The following FLNB variants were observed in gnomAD, a reference collection of about 807,000 sequenced individuals.
FLNB encodes the protein filamin-B.
FLNB carries 111 observed loss-of-function variants against 250.6 expected under a neutral mutation model. That is an observed-to-expected ratio of 0.44 (90% CI 0.38 to 0.52). The LOEUF (loss-of-function observed/expected upper bound fraction) is 0.52, where lower values mean the gene tolerates loss of function less well. Ranked by LOEUF, FLNB falls within the 20% of genes least tolerant of loss-of-function variation. FLNB has a pLI of 0.00. For synonymous variants in FLNB, 1,302 were observed against 1,372.1 expected (o/e 0.95, Z 1.13); for missense variants, 2,869 against 3,447.8 (o/e 0.83, Z 4.20).
chr3:58,013,391 T>C (rs2097101701), intron 1 of FLNB, among the ~76,000 whole-genome samples: 1 of 152,206 alleles, frequency 6.6e-6, no homozygotes, highest in South Asian at 2.1e-4. Flanking sequence ...GGGTCACTGG[T>C]CCAGTCAGCT....
chr3:58,082,787 C>T (rs111669761), intron 4 of FLNB, among the ~76,000 whole-genome samples: 1,736 of 149,322 alleles, frequency 0.012, 37 homozygotes, highest in African/African-American at 0.04. Flanking sequence ...AAAAAAAAAA[C>T]GAGAAAGAAA....
chr3:58,159,417 T>C lies in FLNB; in HGVS notation c.6889-137T>C, dbSNP rs2097358014. 1.1e-5 allele frequency: 9 copies of C among 836,752 alleles called. No individual in the cohort carries two copies. The South Asian group carries it at 1.3e-4, about 12-fold the overall frequency. 51.8% of individuals were successfully genotyped at this position (836,752 alleles called of 1,614,324 possible). A position where few individuals can be genotyped will look rare whatever the true frequency, so the allele number is the denominator to read the frequency against. ...CATTAAAAATGCAGAATGGCTCACCTGCCCTTTGTTGTCATATGTTATATA... is the reference window on the plus strand; with the variant it reads ...CATTAAAAATGCAGAATGGCTCACCCGCCCTTTGTTGTCATATGTTATATA... On this transcript the variant is annotated intron_variant, in intron 41 of 45. Coordinates refer to ENST00000295956, the MANE Select transcript of FLNB (RefSeq NM_001457.4).
At chr3:58,067,757 C>T (rs987673681) in intron 1 of FLNB, among the ~76,000 whole-genome samples, 1 of 151,924 alleles carries the variant, frequency 6.6e-6, no homozygotes, top group African/African-American at 2.4e-5. Flanking sequence ...CCATCACGCC[C>T]GGCTAATTTT....
At chr3:58,095,511 C>T (rs893300237) in intron 5 of FLNB, among the ~76,000 whole-genome samples, 12 of 152,184 alleles carry the variant, frequency 7.9e-5, no homozygotes, top group African/African-American at 2.9e-4. Context: ...CTGCCTCTGC[C>T]TCCCAAACTG....
intron 18 of FLNB, among the ~76,000 whole-genome samples, chr3:58,115,190 T>C (rs1044786577): frequency 6.6e-6 from 1 of 152,210 alleles, no homozygotes; most frequent in African/African-American, 2.4e-5. Flanking sequence ...TAGGTAATTA[T>C]TTTCCTGCTG....
At chr3:58,047,720 C>CG (rs1169161469) in intron 1 of FLNB, among the ~76,000 whole-genome samples, 1 of 151,942 alleles carries the variant, frequency 6.6e-6, no homozygotes, top group Non-Finnish European at 1.5e-5. Context: ...ATTACAGGCA[C>CG]GGGCCACCAT....
At chr3:58,088,036 G>C (rs1212795637) in intron 4 of FLNB, among the ~76,000 whole-genome samples, 1 of 112,318 alleles carries the variant, frequency 8.9e-6, no homozygotes, top group Non-Finnish European at 1.8e-5. Flanking sequence ...ACGGCGCCCA[G>C]CCTTTTTTTT....
In FLNB at chr3:58,132,828, G is replaced by A. The variant is rs12632456; in HGVS notation, c.4411G>A (p.Val1471Met). Residue 1471 changes from valine to methionine, a missense_variant, in exon 26 of 46, where the codon GTG becomes ATG. Around this residue, in one of 5 missense-constraint regions of FLNB, gnomAD observed 1,348 missense variants for 1,466.7 expected, o/e 0.92. Coordinates refer to ENST00000295956, the MANE Select transcript of FLNB (RefSeq NM_001457.4). The part of the protein sequence containing the change: ...GPRGLVEPVN[V>M]VDNGDGTHTV... ...CTCAGGCTTGGTGGAGCCAGTGAAC[G>A]TGGTGGACAATGGAGATGGCACACA... 0.31 allele frequency: 503,376 copies of A among 1,613,678 alleles called. 98,553 individuals carry two copies. Among genetic ancestry groups the A allele is most frequent in the East Asian group, 0.98 (44,034 of 44,876 alleles).
At chr3:58,064,476 A>G (rs1184102301) in intron 1 of FLNB, among the ~76,000 whole-genome samples, 1 of 152,100 alleles carries the variant, frequency 6.6e-6, no homozygotes, top group African/African-American at 2.4e-5. Context: ...GTTAGGAAAT[A>G]TTTATTGAAT....
At chr3:58,092,803 A>AT (rs1216421363) in intron 4 of FLNB, among the ~76,000 whole-genome samples, 1 of 152,176 alleles carries the variant, frequency 6.6e-6, no homozygotes, top group African/African-American at 2.4e-5. Flanking sequence ...AAGAAAAAAA[A>AT]CTTTTCTCAT....
chr3:58,123,346 T>A lies in FLNB; in HGVS notation c.3380T>A (p.Ile1127Asn). The A allele has an allele frequency of 6.2e-7, 1 of 1,614,148 alleles. No homozygotes were observed. The highest frequency in any genetic ancestry group is 8.5e-7 in the Non-Finnish European group (1 of 1,180,022). ...HIPGSPFKAD[I>N]EMPFDPSKVV... ...CCTGGGTCTCCCTTCAAAGCTGACA[T>A]TGAAATGCCCTTTGACCCCTCTAAA... is the stretch of plus-strand genomic sequence containing the variant. The change falls in exon 21 of 46, where the codon ATT becomes AAT. Residue 1127 changes from isoleucine (I) to asparagine (N), a missense_variant. Transcript: ENST00000295956.
chr3:58,104,892 A>G (rs2097257117), intron 10 of FLNB, among the ~76,000 whole-genome samples, 188 bp from the exon 11 acceptor site: 1 of 152,150 alleles, frequency 6.6e-6, no homozygotes, highest in South Asian at 2.1e-4. Context: ...GTCACATTAC[A>G]TTATATTGTT....
At chr3:58,094,097 G>A (rs368832508) in intron 4 of FLNB, among the ~76,000 whole-genome samples, 3 of 152,278 alleles carry the variant, frequency 2.0e-5, no homozygotes, top group South Asian at 2.1e-4. Context: ...TGTTACCACT[G>A]GGGAAACTAT....
In FLNB at chr3:58,153,722, C is replaced by T. The variant is rs112668173; in HGVS notation, c.6634+81C>T. On this transcript the variant is annotated intron_variant, in intron 39 of 45. Coordinates refer to ENST00000295956, the MANE Select transcript of FLNB (RefSeq NM_001457.4). Reference sequence around the variant, plus strand: ...TGTGGGCACCCACATACTTTTTTGCCCCATTTGAAAGAGAAGACTTCTGAT... The same window carrying T: ...TGTGGGCACCCACATACTTTTTTGCTCCATTTGAAAGAGAAGACTTCTGAT... The T allele has an allele frequency of 4.5e-6, 7 of 1,540,274 alleles. No individual in the cohort carries two copies. The African/African-American group carries it at 5.5e-5, about 12-fold the overall frequency.
Position 58,106,802 on chromosome 3 carries a change from G to A in FLNB, c.1870G>A (p.Asp624Asn), listed in dbSNP as rs779944490. 33 of 1,613,980 alleles carry A rather than the reference G, an allele frequency of 2.0e-5. No individual in the cohort carries two copies. In the South Asian group the frequency reaches 2.4e-4, roughly 12 times the overall value. ...GEYAVHIMCDDEDIKDSPYMA... is the reference protein window; with the variant it reads ...GEYAVHIMCDNEDIKDSPYMA... ...ATATGCTGTTCACATCATGTGTGACGACGAAGACATCAAGGACAGCCCGTA... is the reference window on the plus strand; with the variant it reads ...ATATGCTGTTCACATCATGTGTGACAACGAAGACATCAAGGACAGCCCGTA... The change falls in exon 12 of 46, where the codon GAC (aspartate) becomes AAC (asparagine). Residue 624 changes from aspartate to asparagine, a missense_variant. By Grantham distance (23) the Asp-to-Asn change is conservative. Transcript: ENST00000295956.
chr3:58,090,162 TA>T (rs2097224327), intron 4 of FLNB, among the ~76,000 whole-genome samples: 2 of 139,534 alleles, frequency 1.4e-5, no homozygotes, highest in Admixed American at 7.4e-5. Context: ...TTTTTTTTTT[TA>T]AACACACACA....
chr3:58,153,233 C>A, intron 38 of FLNB, 142 bp from the exon 39 acceptor site: 2 of 974,784 alleles, frequency 2.1e-6, no homozygotes, highest in Non-Finnish European at 3.2e-6. Context: ...AGGCACCCAG[C>A]CTGAAGGGAA....
chr3:58,045,326 G>A (rs2097152139), intron 1 of FLNB, among the ~76,000 whole-genome samples: 1 of 152,198 alleles, frequency 6.6e-6, no homozygotes. Flanking sequence ...TTGCAATGCT[G>A]AGTATGAGTT....
chr3:58,132,885 C>A lies in FLNB; in HGVS notation c.4468C>A (p.Pro1490Thr), dbSNP rs1328792757. The A allele has an allele frequency of 6.2e-7, 1 of 1,614,030 alleles. No homozygotes were observed. The highest frequency in any genetic ancestry group is 1.3e-5 in the African/African-American group (1 of 74,930). Reference protein sequence around the residue: ...TVTYTPSQEGPYMVSVKYADE... With the variant: ...TVTYTPSQEGTYMVSVKYADE... ...AACCTACACCCCATCTCAGGAGGGACCTTACATGGTCTCAGTTAAATATGC... is the reference window on the plus strand; with the variant it reads ...AACCTACACCCCATCTCAGGAGGGAACTTACATGGTCTCAGTTAAATATGC... Residue 1490 changes from proline to threonine, a missense_variant, in exon 26 of 46, where the codon CCT (proline) becomes ACT (threonine). By Grantham distance (38) the Pro-to-Thr change is conservative. Transcript: ENST00000295956.
Sources: allele counts gnomAD v4.1 joint callset (sites outside exome capture counted in the v4.1 genomes callset), GRCh38; gene constraint gnomAD v4.1.1; regional missense constraint gnomAD v4.1.1; transcripts MANE v1.5; gene names NCBI Gene and HGNC (gene_info 2026-07-23, HGNC 2026-07-21).